SLC35E3: variants seen among roughly 807,000 people sequenced by gnomAD.
The protein encoded by SLC35E3 is solute carrier family 35 member E3.
A neutral mutation model predicts 30.8 loss-of-function variants in SLC35E3; 28 were observed. That is an observed-to-expected ratio of 0.91 (90% CI 0.67 to 1.25). The LOEUF is 1.25. Among genes scored for constraint, SLC35E3 ranks in the 50% most tolerant of loss-of-function variants. The pLI, the probability that SLC35E3 is intolerant of heterozygous loss-of-function variation, is 0.00. For synonymous variants in SLC35E3, 146 were observed against 149.2 expected (o/e 0.98, Z 0.16); for missense variants, 365 against 375.4 (o/e 0.97, Z 0.23).
At chr12:68,749,250 G>T (rs1308090321) in intron 2 of SLC35E3, among the ~76,000 whole-genome samples, 1 of 152,146 alleles carries the variant, frequency 6.6e-6, no homozygotes, top group Non-Finnish European at 1.5e-5. Flanking sequence ...AGGAATGATT[G>T]TAGATTAATG....
At chr12:68,754,703 T>C (rs1878938350) in intron 3 of SLC35E3, among the ~76,000 whole-genome samples, 1 of 152,220 alleles carries the variant, frequency 6.6e-6, no homozygotes, top group Admixed American at 6.5e-5. Context: ...GATAACTTTT[T>C]TCCTATGGAA....
intron 3 of SLC35E3, among the ~76,000 whole-genome samples, chr12:68,755,309 T>C (rs1247367809): frequency 6.6e-6 from 1 of 152,172 alleles, no homozygotes; most frequent in Non-Finnish European, 1.5e-5. Context: ...GAATTCCTGC[T>C]TCCCACAAGA....
rs1387327156 is a variant in SLC35E3 at position 68,769,898 on chromosome 12, TTTGTC to T, written c.*5010_*5014del. ...ATATTTCCTGTGATCTTAAGGAACATTTGTCTAGTATTAGAGATAGGACTAATTAA... is the reference window on the plus strand; with the variant it reads ...ATATTTCCTGTGATCTTAAGGAACATTAGTATTAGAGATAGGACTAATTAA... On this transcript the variant is annotated 3_prime_UTR_variant, in exon 5 of 5. Coordinates refer to ENST00000398004, the MANE Select transcript of SLC35E3 (RefSeq NM_018656.5). 1 of 152,192 alleles carries T rather than the reference TTTGTC, an allele frequency of 6.6e-6. No homozygotes were observed. Among genetic ancestry groups the T allele is most frequent in the Non-Finnish European group, 1.5e-5 (1 of 68,050 alleles). 9.4% of individuals were successfully genotyped at this position (152,192 alleles called of 1,614,324 possible). A position where few individuals can be genotyped will look rare whatever the true frequency, so the allele number is the denominator to read the frequency against.
At chr12:68,751,223 C>G (rs1592534949) in intron 2 of SLC35E3, among the ~76,000 whole-genome samples, 1 of 151,930 alleles carries the variant, frequency 6.6e-6, no homozygotes, top group Admixed American at 6.6e-5. Flanking sequence ...CATACCTTTT[C>G]AAGCCACACA....
rs1022056763 is a variant in SLC35E3, at chr12:68,775,224, G to A, written c.*10334G>A. The A allele has an allele frequency of 2.0e-5, 3 of 152,176 alleles. No individual in the cohort carries two copies. The highest frequency in any genetic ancestry group is 7.2e-5 in the African/African-American group (3 of 41,442). The allele number at this position is 152,176 out of a possible 1,614,324, so 9.4% of individuals were successfully genotyped here. On this transcript the variant is annotated 3_prime_UTR_variant, in exon 5 of 5. Coordinates refer to ENST00000398004, the MANE Select transcript of SLC35E3 (RefSeq NM_018656.5). ...TGGGGTAAAAAGGGGCAAGAATGGAGGACCTGCTCTGTCTGTCGGACTTTG... is the reference window on the plus strand; with the variant it reads ...TGGGGTAAAAAGGGGCAAGAATGGAAGACCTGCTCTGTCTGTCGGACTTTG...
In SLC35E3 at chr12:68,772,820, C is replaced by T. The variant is rs1000823801; in HGVS notation, c.*7930C>T. The T allele has an allele frequency of 5.3e-5, 8 of 152,120 alleles. No individual in the cohort carries two copies. The highest frequency in any genetic ancestry group is 2.1e-4 in the South Asian group (1 of 4,834). The allele number at this position is 152,120 out of a possible 1,614,324, so 9.4% of individuals were successfully genotyped here. On this transcript the variant is annotated 3_prime_UTR_variant, in exon 5 of 5. Coordinates refer to ENST00000398004, the MANE Select transcript of SLC35E3 (RefSeq NM_018656.5). ...TTTTCCTGTTTGTCTTACTCTCCCCCCAAAAAGAGTCAGTTTCCTGTTTTC... is the reference window on the plus strand; with the variant it reads ...TTTTCCTGTTTGTCTTACTCTCCCCTCAAAAAGAGTCAGTTTCCTGTTTTC...
rs1879455266 is a variant in SLC35E3, at chr12:68,767,239, TATC to T, written c.*2352_*2354del. The T allele has an allele frequency of 6.6e-6, 1 of 152,280 alleles. No individual in the cohort carries two copies. The highest frequency in any genetic ancestry group is 1.5e-5 in the Non-Finnish European group (1 of 68,072). The allele number at this position is 152,280 out of a possible 1,614,324, so 9.4% of individuals were successfully genotyped here. A position where few individuals can be genotyped will look rare whatever the true frequency, so the allele number is the denominator to read the frequency against. ...TAATTTCATATAATAAATTGAGACA[TATC>T]ATTACTCTTGTAATAATTCATTTTC... On this transcript the variant is annotated 3_prime_UTR_variant, in exon 5 of 5. Transcript: ENST00000398004.
rs991180330 is a variant in SLC35E3 at position 68,776,801 on chromosome 12, A to T, written c.*11911A>T. ...CTGGTCTGGTGGCATGTAGATTCATAAATGGCGTCCAAACCTGGAGCTGTT... is the reference window on the plus strand; with the variant it reads ...CTGGTCTGGTGGCATGTAGATTCATTAATGGCGTCCAAACCTGGAGCTGTT... On this transcript the variant is annotated 3_prime_UTR_variant, in exon 5 of 5. Transcript: ENST00000398004. 6.6e-6 allele frequency: 1 copy of T among 152,148 alleles called. No homozygotes were observed. The highest frequency in any genetic ancestry group is 6.5e-5 in the Admixed American group (1 of 15,270). 9.4% of individuals were successfully genotyped at this position (152,148 alleles called of 1,614,324 possible). A position where few individuals can be genotyped will look rare whatever the true frequency, so the allele number is the denominator to read the frequency against.
At chr12:68,751,222 T>C (rs1413581373) in intron 2 of SLC35E3, among the ~76,000 whole-genome samples, 1 of 151,980 alleles carries the variant, frequency 6.6e-6, no homozygotes. Context: ...ACATACCTTT[T>C]CAAGCCACAC....
In SLC35E3 at chr12:68,746,202, C is replaced by A. The variant is rs909232515; in HGVS notation, c.-176C>A. ...TCCTAGCTGGCTTACAGGGCGGCGG[C>A]GGGGTGTGTGTCCTCTGTTAAGAGT... On this transcript the variant is annotated 5_prime_UTR_variant, in exon 1 of 5. Coordinates refer to ENST00000398004, the MANE Select transcript of SLC35E3 (RefSeq NM_018656.5). 3.8e-6 allele frequency: 2 copies of A among 525,050 alleles called. No homozygotes were observed. Among genetic ancestry groups the A allele is most frequent in the African/African-American group, 3.9e-5 (2 of 51,754 alleles). The allele number at this position is 525,050 out of a possible 1,614,324, so 32.5% of individuals were successfully genotyped here. A position where few individuals can be genotyped will look rare whatever the true frequency, so the allele number is the denominator to read the frequency against.
intron 3 of SLC35E3, among the ~76,000 whole-genome samples, chr12:68,752,659 C>T (rs555074813): frequency 4.0e-5 from 6 of 151,662 alleles, no homozygotes; most frequent in Admixed American, 2.6e-4. Flanking sequence ...TCGTTTGAGC[C>T]CAGGAGTTTT....
In SLC35E3 at chr12:68,774,424, A is replaced by G. The variant is rs920633995; in HGVS notation, c.*9534A>G. On this transcript the variant is annotated 3_prime_UTR_variant, in exon 5 of 5. Transcript: ENST00000398004. Reference sequence around the variant, plus strand: ...GAGAAACCCTGTCTCTACTAAAAATACAAAATTAGCTGGGCGTAGTGGCTT... The same window carrying G: ...GAGAAACCCTGTCTCTACTAAAAATGCAAAATTAGCTGGGCGTAGTGGCTT... 6.6e-6 allele frequency: 1 copy of G among 152,054 alleles called. No homozygotes were observed. The highest frequency in any genetic ancestry group is 2.4e-5 in the African/African-American group (1 of 41,370). 9.4% of individuals were successfully genotyped at this position (152,054 alleles called of 1,614,324 possible).
Position 68,746,369 on chromosome 12 carries a change from G to A in SLC35E3, c.-9G>A. On this transcript the variant is annotated 5_prime_UTR_variant, in exon 1 of 5. Coordinates refer to ENST00000398004, the MANE Select transcript of SLC35E3 (RefSeq NM_018656.5). The stretch of plus-strand genomic sequence containing the variant: ...TCCGAGGCTAGACGGCCCCAGCTTC[G>A]CGGGGATCATGGCATTGCTGGTGGA... 6.4e-7 allele frequency: 1 copy of A among 1,557,954 alleles called. No homozygotes were observed. The highest frequency in any genetic ancestry group is 8.7e-7 in the Non-Finnish European group (1 of 1,150,268).
At chr12:68,747,747 T>G (rs1423774013) in intron 1 of SLC35E3, among the ~76,000 whole-genome samples, 183 bp from the exon 2 acceptor site, 1 of 152,258 alleles carries the variant, frequency 6.6e-6, no homozygotes, top group Non-Finnish European at 1.5e-5. Flanking sequence ...ATTTGTCATA[T>G]TTCACGTTTA....
At chr12:68,758,255 CT>C (rs1332289733) in intron 3 of SLC35E3, among the ~76,000 whole-genome samples, 11 of 151,914 alleles carry the variant, frequency 7.2e-5, no homozygotes, top group Non-Finnish European at 1.5e-4. Context: ...CCCATCTCTA[CT>C]AAAAATACAA....
rs193065287 is a variant in SLC35E3 at position 68,753,235 on chromosome 12, T to C, written c.672+1045T>C. Among the ~76,000 whole-genome samples the C allele has an allele frequency of 3.9e-3, 598 of 151,920 alleles. 11 individuals are homozygous for C. Among genetic ancestry groups the C allele is most frequent in the Non-Finnish European group, 1.1e-3 (78 of 67,968 alleles). On this transcript the variant is annotated intron_variant, in intron 3 of 4. Transcript: ENST00000398004. The stretch of plus-strand genomic sequence containing the variant: ...AGGTGGAGGTTGCAATGAGCCAAGA[T>C]TGTGCCACTGCACTCCAGCCTGGGC...
rs1324338395 is a variant in SLC35E3 at position 68,766,907 on chromosome 12, C to T, written c.*2017C>T. ...GCCAGTAATTTCTTAATCCTACCTCCCTGCTTCTATTGCCTAGCCCGTACA... is the reference window on the plus strand; with the variant it reads ...GCCAGTAATTTCTTAATCCTACCTCTCTGCTTCTATTGCCTAGCCCGTACA... On this transcript the variant is annotated 3_prime_UTR_variant, in exon 5 of 5. Coordinates refer to ENST00000398004, the MANE Select transcript of SLC35E3 (RefSeq NM_018656.5). 5.8e-6 allele frequency: 2 copies of T among 342,054 alleles called. No homozygotes were observed. Among genetic ancestry groups the T allele is most frequent in the Non-Finnish European group, 6.1e-6 (1 of 163,440 alleles). 21.2% of individuals were successfully genotyped at this position (342,054 alleles called of 1,614,324 possible). A position where few individuals can be genotyped will look rare whatever the true frequency, so the allele number is the denominator to read the frequency against.
chr12:68,748,005 G>T lies in SLC35E3; in HGVS notation c.478G>T (p.Ala160Ser), dbSNP rs777404228. ...TAATTTCCTTGGAATGGTGTTTGCT[G>T]CTCTTGGTGTTTTAGTTACATCCCT... ...KFNFLGMVFA[A>S]LGVLVTSLYQ... The change falls in exon 2 of 5, where the codon GCT (alanine) becomes TCT (serine). Residue 160 changes from alanine (A) to serine (S), a missense_variant. By Grantham distance (99) the Ala-to-Ser change is moderately conservative. Coordinates refer to ENST00000398004, the MANE Select transcript of SLC35E3 (RefSeq NM_018656.5). 6.2e-7 allele frequency: 1 copy of T among 1,610,952 alleles called. No individual in the cohort carries two copies. The highest frequency in any genetic ancestry group is 8.5e-7 in the Non-Finnish European group (1 of 1,177,754).
Position 68,752,191 on chromosome 12 carries a change from GTAAGTTCTAATTGT to G in SLC35E3, c.672+3_672+16del. Reference sequence around the variant, plus strand: ...TGGTCCCTGGTCAGTTTCTGCTTTGGTAAGTTCTAATTGTTTTGATATCTAAGAAACAGTATAAT... The same window carrying G: ...TGGTCCCTGGTCAGTTTCTGCTTTGGTTTGATATCTAAGAAACAGTATAAT... On this transcript the variant is annotated splice_donor_variant and splice_donor_5th_base_variant and intron_variant, in intron 3 of 4. Transcript: ENST00000398004. LOFTEE classifies it high-confidence loss of function. 1 of 1,601,280 alleles carries G rather than the reference GTAAGTTCTAATTGT, an allele frequency of 6.2e-7. No homozygotes were observed. The highest frequency in any genetic ancestry group is 8.5e-7 in the Non-Finnish European group (1 of 1,176,140).
Sources: allele counts gnomAD v4.1 joint callset (sites outside exome capture counted in the v4.1 genomes callset), GRCh38; gene constraint gnomAD v4.1.1; transcripts MANE v1.5; gene names NCBI Gene and HGNC (gene_info 2026-07-23, HGNC 2026-07-21).